SLC35F4: variants seen among roughly 807,000 people sequenced by gnomAD.
SLC35F4 encodes solute carrier family 35 member F4.
A neutral mutation model predicts 44.2 loss-of-function variants in SLC35F4; 24 were observed. The ratio of observed to expected loss-of-function variants is 0.54; its 90% confidence interval spans 0.39 to 0.76. The LOEUF is 0.76. Ranked by LOEUF, SLC35F4 falls within the 30% of genes least tolerant of loss-of-function variation. SLC35F4 has a pLI of 0.00. For synonymous variants in SLC35F4, 238 were observed against 223.6 expected (o/e 1.06, Z -0.57); for missense variants, 562 against 586.1 (o/e 0.96, Z 0.42).
At chr14:57,866,243 G>A (rs1196344347), upstream of SLC35F4, among the ~76,000 whole-genome samples, 1 of 152,188 alleles carries the variant, frequency 6.6e-6, no homozygotes. Flanking sequence ...TGGTCAGTGG[G>A]GCGCGAGAGG....
intron 1 of SLC35F4, among the ~76,000 whole-genome samples, chr14:57,672,236 C>A (rs1423054719): frequency 3.9e-5 from 6 of 152,064 alleles, no homozygotes; most frequent in African/African-American, 1.5e-4. Context: ...CCTTGTATCA[C>A]CTTGCAGCTG....
rs2068399065 is a variant in SLC35F4, at chr14:57,569,835, G to T, written c.1079C>A (p.Ala360Asp). 4.3e-6 allele frequency: 7 copies of T among 1,611,188 alleles called. No individual in the cohort carries two copies. The highest frequency in any genetic ancestry group is 5.9e-6 in the Non-Finnish European group (7 of 1,178,728). Residue 360 changes from alanine (A) to aspartate (D), a missense_variant, in exon 6 of 8, where the codon GCT becomes GAT. Coordinates refer to ENST00000556826, the MANE Select transcript of SLC35F4 (RefSeq NM_001306087.2). ...FTKVEHWSSF[A>D]ALPWGCLCGM... The stretch of plus-strand genomic sequence containing the variant: ...ACAGAGACAGCCCCATGGCAGAGCA[G>T]CAAAAGAGGACCAGTGCTCCACCTT...
intron 1 of SLC35F4, among the ~76,000 whole-genome samples, chr14:57,622,623 AAC>A (rs138479467): frequency 0.6 from 90,720 of 150,364 alleles, 29,574 homozygotes; most frequent in Non-Finnish European, 0.74. Flanking sequence ...GAACAATGAG[AAC>A]ACATGGACAC....
chr14:57,941,293 C>T (rs1889912076), intron 1 of SLC35F4, among the ~76,000 whole-genome samples: 1 of 152,022 alleles, frequency 6.6e-6, no homozygotes, highest in Non-Finnish European at 1.5e-5. Flanking sequence ...TCCAAATGTC[C>T]ATTAATGGAT....
intron 1 of SLC35F4, among the ~76,000 whole-genome samples, chr14:57,908,715 T>C (rs1187387725): frequency 6.6e-6 from 1 of 152,232 alleles, no homozygotes; most frequent in African/African-American, 2.4e-5. Flanking sequence ...TGCAAAAATT[T>C]TCTCCCATTC....
chr14:57,605,641 A>G (rs567474942), intron 1 of SLC35F4, among the ~76,000 whole-genome samples: 12 of 152,164 alleles, frequency 7.9e-5, no homozygotes, highest in Non-Finnish European at 1.6e-4. Context: ...TTCTACCAAA[A>G]AGATATGTGC....
intron 1 of SLC35F4, among the ~76,000 whole-genome samples, chr14:57,639,435 G>A (rs2073140174): frequency 6.6e-6 from 1 of 151,832 alleles, no homozygotes; most frequent in Non-Finnish European, 1.5e-5. Flanking sequence ...TTTTCTGCTT[G>A]GGATCAGCTA....
At chr14:57,795,376 A>T (rs1453889031) in intron 1 of SLC35F4, among the ~76,000 whole-genome samples, 2 of 152,176 alleles carry the variant, frequency 1.3e-5, no homozygotes, top group Non-Finnish European at 2.9e-5. Flanking sequence ...TTATTTAGGA[A>T]CCATTCACTA....
chr14:57,847,374 G>A (rs1327819226), intron 1 of SLC35F4, among the ~76,000 whole-genome samples: 1 of 152,032 alleles, frequency 6.6e-6, no homozygotes, highest in Non-Finnish European at 1.5e-5. Context: ...TTCTTATACT[G>A]GTAAGGGATA....
intron 1 of SLC35F4, among the ~76,000 whole-genome samples, chr14:57,877,722 G>C (rs1004678495): frequency 1.0e-5 from 1 of 96,844 alleles, no homozygotes; most frequent in African/African-American, 4.2e-5. Context: ...GTCTTGCTCT[G>C]TTACCCAGGC....
chr14:57,957,290 G>T (rs192794334), intron 1 of SLC35F4, among the ~76,000 whole-genome samples: 17 of 152,230 alleles, frequency 1.1e-4, no homozygotes, highest in African/African-American at 3.6e-4. Context: ...GGACTGTCAG[G>T]GGGTAGGGGC....
chr14:57,596,563 G>A, intron 1 of SLC35F4: 1 of 378,478 alleles, frequency 2.6e-6, no homozygotes, highest in Non-Finnish European at 5.2e-6. Context: ...GGTAATATTG[G>A]GTTTCATTTT....
chr14:57,654,962 ATTTTAAGGTGTGTCATAGC>A (rs1398576179), intron 1 of SLC35F4, among the ~76,000 whole-genome samples: 2 of 152,164 alleles, frequency 1.3e-5, no homozygotes, highest in Non-Finnish European at 2.9e-5. Context: ...ATCAGAGGAT[ATTTTAAGGTGTGTCATAGC>A]TTTTGATTCT....
intron 4 of SLC35F4, chr14:57,580,527 G>A (rs1594928442): frequency 5.1e-6 from 2 of 394,786 alleles, no homozygotes; most frequent in Non-Finnish European, 4.9e-6. Context: ...AATCTTCAGG[G>A]CTTCCCAGCA....
At chr14:57,976,191 A>G (rs2141098015), downstream of SLC35F4, among the ~76,000 whole-genome samples, 1 of 152,302 alleles carries the variant, frequency 6.6e-6, no homozygotes, top group Admixed American at 6.5e-5. Flanking sequence ...AATAAAATAA[A>G]TATTCCTGCT....
intron 1 of SLC35F4, among the ~76,000 whole-genome samples, chr14:57,878,392 C>G (rs1256688472): frequency 1.3e-5 from 2 of 152,126 alleles, no homozygotes; most frequent in African/African-American, 2.4e-5. Context: ...CTGAATGGTT[C>G]AACAGGACTC....
chr14:57,899,863 G>A (rs1396401793), intron 1 of SLC35F4, among the ~76,000 whole-genome samples: 2 of 152,138 alleles, frequency 1.3e-5, no homozygotes, highest in African/African-American at 4.8e-5. Flanking sequence ...AGATGGCACG[G>A]ACCCAAAGTG....
At chr14:57,738,466 G>T (rs1387100394) in intron 1 of SLC35F4, among the ~76,000 whole-genome samples, 2 of 151,928 alleles carry the variant, frequency 1.3e-5, no homozygotes, top group African/African-American at 4.8e-5. Context: ...ACTGCACATG[G>T]GTTCTTGCTG....
At chr14:57,765,595 T>C (rs1259649287) in intron 1 of SLC35F4, among the ~76,000 whole-genome samples, 1 of 152,280 alleles carries the variant, frequency 6.6e-6, no homozygotes. Context: ...ACAGTATTAA[T>C]TTTTAAAAAT....
Sources: gnomAD v4.1 joint callset for allele counts (sites outside exome capture counted in the v4.1 genomes callset) on GRCh38, gnomAD v4.1.1 for gene constraint, MANE v1.5 for transcripts, NCBI Gene and HGNC (gene_info 2026-07-23, HGNC 2026-07-21) for gene names.